Variants in LYSMD4 observed in about 807,000 individuals in gnomAD.
The protein encoded by LYSMD4 is LysM domain containing 4, also known as lysM and putative peptidoglycan-binding domain-containing protein 4.
Under a neutral mutation model 6.1 loss-of-function variants are expected in LYSMD4, and 9 were observed. That is an observed-to-expected ratio of 1.47 (90% CI 0.88 to 2.56). The LOEUF (loss-of-function observed/expected upper bound fraction) is 2.56. Among genes scored for constraint, LYSMD4 ranks in the 30% most tolerant of loss-of-function variants. LYSMD4 has a pLI of 0.00. For synonymous variants in LYSMD4, 143 were observed against 148.5 expected (o/e 0.96, Z 0.27); for missense variants, 384 against 373.5 (o/e 1.03, Z -0.23).
upstream of LYSMD4, chr15:99,717,928 G>A (rs1003465628): frequency 6.6e-6 from 1 of 152,198 alleles, no homozygotes; most frequent in Non-Finnish European, 1.5e-5. Context: ...TTGACTTACA[G>A]AAAAGTTGGG....
upstream of LYSMD4, among the ~76,000 whole-genome samples, chr15:99,721,289 G>A (rs552489024): frequency 4.6e-5 from 7 of 152,284 alleles, no homozygotes; most frequent in African/African-American, 1.2e-4. Flanking sequence ...CTGACAATAC[G>A]TGCTTCAAAG....
At chr15:99,723,359 G>C (rs1251158877), downstream of LYSMD4, among the ~76,000 whole-genome samples, 3 of 152,156 alleles carry the variant, frequency 2.0e-5, no homozygotes. Flanking sequence ...CCTGTTCTGG[G>C]CTTTCTTAGA....
chr15:99,718,909 GCACACACACACACA>G (rs57143734), upstream of LYSMD4, among the ~76,000 whole-genome samples: 2,177 of 150,702 alleles, frequency 0.014, 15 homozygotes, highest in Non-Finnish European at 0.022. Context: ...GTAGTTATGC[GCACACACACACACA>G]CACACACACA....
downstream of LYSMD4, among the ~76,000 whole-genome samples, chr15:99,725,129 C>G (rs2059267619): frequency 7.8e-6 from 1 of 128,400 alleles, no homozygotes; most frequent in Admixed American, 8.1e-5. Context: ...AGGGAGGCTC[C>G]TTTCCTGACG....
Position 99,729,438 on chromosome 15 carries a change from G to A in LYSMD4, c.576C>T (p.Cys192=). 2 of 1,614,188 alleles carry A rather than the reference G, an allele frequency of 1.2e-6. No homozygotes were observed. Among genetic ancestry groups the A allele is most frequent in the South Asian group, 1.1e-5 (1 of 91,082 alleles). Residue 192 remains cysteine, a synonymous_variant, in exon 3 of 3, where the codon TGC becomes TGT. Coordinates refer to ENST00000684762, the MANE Select transcript of LYSMD4 (RefSeq NM_001284417.2). ...QSEIFLHESY[C]MDTSHQPLLP... is the part of the protein sequence containing the mutation. ...GCAGTGGCTGATGGGAGGTGTCCAT[G>A]CAGTAACTTTCATGTAGAAAGATTT...
chr15:99,722,209 TG>T (rs1485804975), upstream of LYSMD4, among the ~76,000 whole-genome samples: 1 of 152,222 alleles, frequency 6.6e-6, no homozygotes, highest in Non-Finnish European at 1.5e-5. Context: ...ATTAATGCTG[TG>T]TGTGTTCGGT....
At chr15:99,731,385 T>G (rs1166433329) in intron 2 of LYSMD4, 1 of 1,613,282 alleles carries the variant, frequency 6.2e-7, no homozygotes, top group East Asian at 2.2e-5. Context: ...AAATTCTGCC[T>G]GGTATCTCCA....
chr15:99,729,771 G>A (rs368517451), intron 2 of LYSMD4, 40 bp from the exon 3 acceptor site: 4 of 1,545,236 alleles, frequency 2.6e-6, no homozygotes, highest in Non-Finnish European at 3.5e-6. Flanking sequence ...AATATGCGGA[G>A]CTCCTTAAAA....
intron 2 of LYSMD4, among the ~76,000 whole-genome samples, chr15:99,730,438 G>GT (rs1567555090): frequency 6.7e-6 from 1 of 149,552 alleles, no homozygotes; most frequent in East Asian, 2.0e-4. Flanking sequence ...CAGGGAGAAT[G>GT]TAAGTCAAAG....
In LYSMD4 at chr15:99,731,946, A is replaced by G. The variant is rs546238761; in HGVS notation, c.54T>C (p.Cys18=). The G allele has an allele frequency of 2.5e-6, 4 of 1,610,890 alleles. No homozygotes were observed. The South Asian group carries it at 4.4e-5, about 18-fold the overall frequency. The change falls in exon 2 of 3, where the codon TGT becomes TGC. Residue 18 remains cysteine, a synonymous_variant. Transcript: ENST00000684762. ...TGTATACGTGGCTGGTCGGAGTCCC[A>G]CACACAACAGCTGGGCCTTGGAAGG... ...TKTFQGPAVV[C]GTPTSHVYMF...
At chr15:99,730,800 A>C (rs2059387813) in intron 2 of LYSMD4, among the ~76,000 whole-genome samples, 1 of 152,244 alleles carries the variant, frequency 6.6e-6, no homozygotes, top group South Asian at 2.1e-4. Context: ...CATACCAAGA[A>C]GCCTACTCCA....
At chr15:99,732,134 C>A (rs1206377662) in intron 1 of LYSMD4, 127 bp from the exon 2 acceptor site, 2 of 957,738 alleles carry the variant, frequency 2.1e-6, no homozygotes, top group Non-Finnish European at 3.0e-6. Context: ...CAGCATACAT[C>A]ATCAACAGAA....
rs1337809828 is a variant in LYSMD4 at position 99,727,759 on chromosome 15, G to A, written c.*1364C>T. Reference sequence around the variant, plus strand: ...GAGAAATCGGAAATCACTCTTACATGGTGAGACCTTTGATACTTTTCTCCA... The same window carrying A: ...GAGAAATCGGAAATCACTCTTACATAGTGAGACCTTTGATACTTTTCTCCA... On this transcript the variant is annotated 3_prime_UTR_variant, in exon 3 of 3. Transcript: ENST00000684762. 6.6e-6 allele frequency: 1 copy of A among 152,178 alleles called. No homozygotes were observed. Among genetic ancestry groups the A allele is most frequent in the Admixed American group, 6.5e-5 (1 of 15,284 alleles). 9.4% of individuals were successfully genotyped at this position (152,178 alleles called of 1,614,324 possible).
In LYSMD4 at chr15:99,728,998, G is replaced by T; in HGVS notation, c.*125C>A. 1 of 1,324,060 alleles carries T rather than the reference G, an allele frequency of 7.6e-7. No individual in the cohort carries two copies. Among genetic ancestry groups the T allele is most frequent in the Non-Finnish European group, 1.0e-6 (1 of 956,044 alleles). The allele number at this position is 1,324,060 out of a possible 1,614,324, so 82.0% of individuals were successfully genotyped here. A position where few individuals can be genotyped will look rare whatever the true frequency, so the allele number is the denominator to read the frequency against. On this transcript the variant is annotated 3_prime_UTR_variant, in exon 3 of 3. Coordinates refer to ENST00000684762, the MANE Select transcript of LYSMD4 (RefSeq NM_001284417.2). ...CCAGTGCAATTGGGAATACTGCAGT[G>T]ACTTCTGAAAAGTGTCCATCCTTCC... is the stretch of plus-strand genomic sequence containing the variant.
upstream of LYSMD4, among the ~76,000 whole-genome samples, chr15:99,718,791 T>C (rs2059214464): frequency 6.6e-6 from 1 of 152,196 alleles, no homozygotes; most frequent in South Asian, 2.1e-4. Context: ...TGGTTCCCTT[T>C]ATTGGAGAAT....
chr15:99,725,487 C>A (rs1387577113), downstream of LYSMD4, among the ~76,000 whole-genome samples: 1 of 152,140 alleles, frequency 6.6e-6, no homozygotes, highest in Non-Finnish European at 1.5e-5. Flanking sequence ...CTCAAACTGT[C>A]TTTTTCTCAA....
Position 99,729,006 on chromosome 15 carries a change from A to T in LYSMD4, c.*117T>A, listed in dbSNP as rs561660006. The T allele has an allele frequency of 7.9e-6, 11 of 1,394,820 alleles. No homozygotes were observed. The Admixed American group carries it at 1.7e-4, about 22-fold the overall frequency. 86.4% of individuals were successfully genotyped at this position (1,394,820 alleles called of 1,614,324 possible). A position where few individuals can be genotyped will look rare whatever the true frequency, so the allele number is the denominator to read the frequency against. The stretch of plus-strand genomic sequence containing the variant: ...ATTGGGAATACTGCAGTGACTTCTG[A>T]AAAGTGTCCATCCTTCCCCGGAAGC... On this transcript the variant is annotated 3_prime_UTR_variant, in exon 3 of 3. Coordinates refer to ENST00000684762, the MANE Select transcript of LYSMD4 (RefSeq NM_001284417.2).
chr15:99,730,018 G>A (rs2059365979), intron 2 of LYSMD4, among the ~76,000 whole-genome samples: 1 of 152,220 alleles, frequency 6.6e-6, no homozygotes, highest in Admixed American at 6.5e-5. Flanking sequence ...TTCTTAAACT[G>A]TTTAAAGTGT....
chr15:99,723,411 A>C (rs949582973), downstream of LYSMD4, among the ~76,000 whole-genome samples: 1 of 152,140 alleles, frequency 6.6e-6, no homozygotes, highest in African/African-American at 2.4e-5. Context: ...CACAGGGCCA[A>C]TTGTATTAAC....
Sources: allele counts gnomAD v4.1 joint callset (sites outside exome capture counted in the v4.1 genomes callset), GRCh38; gene constraint gnomAD v4.1.1; transcripts MANE v1.5; gene names NCBI Gene and HGNC (gene_info 2026-07-23, HGNC 2026-07-21).